The following PCDH7 variants were observed in gnomAD, a reference collection of about 807,000 sequenced individuals.
PCDH7 encodes the protein protocadherin-7.
In PCDH7, 17 loss-of-function variants were observed where a neutral mutation model predicts 58.9. The observed-to-expected ratio is 0.29, with a 90% CI of 0.20 to 0.43. The LOEUF is 0.43. Ranked by LOEUF, PCDH7 falls within the 20% of genes least tolerant of loss-of-function variation. The pLI is 1.00. For missense variants in PCDH7, 1,274 were observed against 1,441.0 expected, an observed-to-expected ratio of 0.88 and a Z score of 1.88; for synonymous variants, 664 against 616.4, an observed-to-expected ratio of 1.08 and a Z score of -1.14.
At chr4:30,773,959 A>G (rs796314127) in intron 1 of PCDH7, among the ~76,000 whole-genome samples, 85 of 152,280 alleles carry the variant, frequency 5.6e-4, no homozygotes, top group African/African-American at 2.0e-3. Context: ...CCCATATTCC[A>G]TTTAGTGGGA....
intron 3 of PCDH7, among the ~76,000 whole-genome samples, chr4:31,118,443 C>A (rs1447429349): frequency 6.6e-6 from 1 of 152,044 alleles, no homozygotes; most frequent in African/African-American, 2.4e-5. Flanking sequence ...CTAGCCAAGT[C>A]ATTTGGCGGT....
intron 1 of PCDH7, among the ~76,000 whole-genome samples, chr4:30,769,236 C>T (rs983906878): frequency 6.6e-6 from 1 of 152,196 alleles, no homozygotes; most frequent in African/African-American, 2.4e-5. Context: ...TTCCTGCACG[C>T]AGCTAGTGTA....
downstream of PCDH7, chr4:31,145,854 T>C (rs1020569333): frequency 2.0e-5 from 3 of 152,118 alleles, no homozygotes; most frequent in African/African-American, 7.2e-5. Flanking sequence ...TTATTCTTTA[T>C]TTCTTTTTTG....
At chr4:30,855,692 T>C (rs1315558107) in intron 1 of PCDH7, among the ~76,000 whole-genome samples, 3 of 152,184 alleles carry the variant, frequency 2.0e-5, no homozygotes, top group Non-Finnish European at 4.4e-5. Context: ...GTAAACTTAG[T>C]AATACATAGT....
chr4:31,080,562 C>T (rs976617205), intron 3 of PCDH7, among the ~76,000 whole-genome samples: 8 of 152,124 alleles, frequency 5.3e-5, no homozygotes, highest in Non-Finnish European at 1.0e-4. Context: ...TAAATGATTA[C>T]CTATTGATAA....
chr4:30,725,459 G>T (rs1714481428), intron 1 of PCDH7: 1 of 206,158 alleles, frequency 4.9e-6, no homozygotes, highest in East Asian at 1.9e-4. Flanking sequence ...TAGTTTCTCA[G>T]TGAAATGTGG....
At chr4:31,131,150 T>G (rs905098515) in intron 3 of PCDH7, among the ~76,000 whole-genome samples, 1 of 152,100 alleles carries the variant, frequency 6.6e-6, no homozygotes, top group Non-Finnish European at 1.5e-5. Context: ...AGGCATAATG[T>G]TGGCATGAGG....
chr4:30,750,158 A>G (rs1053088910), intron 1 of PCDH7, among the ~76,000 whole-genome samples: 3 of 152,194 alleles, frequency 2.0e-5, no homozygotes, highest in Non-Finnish European at 4.4e-5. Context: ...AATGAGTAGT[A>G]CCCACTCTCT....
intron 1 of PCDH7, among the ~76,000 whole-genome samples, chr4:30,789,694 T>C (rs950975693): frequency 2.0e-5 from 3 of 152,164 alleles, no homozygotes; most frequent in African/African-American, 7.2e-5. Flanking sequence ...CAGAAAGCCT[T>C]ATTTAGAGCA....
intron 1 of PCDH7, among the ~76,000 whole-genome samples, chr4:30,743,736 A>T (rs1310367308): frequency 6.6e-6 from 1 of 152,006 alleles, no homozygotes; most frequent in Non-Finnish European, 1.5e-5. Flanking sequence ...ATACACACAC[A>T]CACACACACA....
intron 3 of PCDH7, among the ~76,000 whole-genome samples, chr4:31,097,075 C>A (rs965650622): frequency 6.6e-6 from 1 of 151,922 alleles, no homozygotes; most frequent in African/African-American, 2.4e-5. Flanking sequence ...AGCCAATTTG[C>A]GCCTAGTTGT....
chr4:31,061,754 TG>T (rs909343977), intron 3 of PCDH7, among the ~76,000 whole-genome samples: 39 of 151,808 alleles, frequency 2.6e-4, no homozygotes, highest in African/African-American at 9.4e-4. Context: ...ATTCAAAGTA[TG>T]GAGATTGAAA....
intron 2 of PCDH7, among the ~76,000 whole-genome samples, chr4:30,928,056 G>A (rs1332393663): frequency 6.6e-6 from 1 of 152,080 alleles, no homozygotes; most frequent in African/African-American, 2.4e-5. Context: ...GCTCACTACA[G>A]CCTCGACCTC....
chr4:31,025,640 AAACC>A (rs1283049425), intron 3 of PCDH7, among the ~76,000 whole-genome samples: 1 of 152,222 alleles, frequency 6.6e-6, no homozygotes, highest in Non-Finnish European at 1.5e-5. Context: ...AATTAATCTA[AAACC>A]TATCTTTTCA....
intron 3 of PCDH7, among the ~76,000 whole-genome samples, chr4:31,061,922 A>T (rs567148598): frequency 1.9e-4 from 29 of 151,788 alleles, no homozygotes; most frequent in African/African-American, 6.0e-4. Context: ...TATTCTGAGT[A>T]ACATAATTTT....
intron 1 of PCDH7, among the ~76,000 whole-genome samples, chr4:30,819,297 A>G (rs1728064971): frequency 6.6e-6 from 1 of 152,154 alleles, no homozygotes; most frequent in Non-Finnish European, 1.5e-5. Context: ...TGCTGCATTG[A>G]AATTAGAGAT....
chr4:31,068,580 C>T (rs1019205532), intron 3 of PCDH7, among the ~76,000 whole-genome samples: 5 of 151,924 alleles, frequency 3.3e-5, no homozygotes, highest in African/African-American at 1.2e-4. Flanking sequence ...CCAAATTTTT[C>T]AGTAGGATCC....
intron 1 of PCDH7, among the ~76,000 whole-genome samples, chr4:30,753,392 T>C (rs1257599090): frequency 1.3e-5 from 2 of 152,348 alleles, no homozygotes; most frequent in East Asian, 1.9e-4. Context: ...AGTGACAATA[T>C]GGTTAAATTA....
At chr4:31,062,282 T>C (rs1211714592) in intron 3 of PCDH7, among the ~76,000 whole-genome samples, 1 of 151,698 alleles carries the variant, frequency 6.6e-6, no homozygotes, top group East Asian at 1.9e-4. Context: ...GGATATTGCA[T>C]TCTATCTCTA....
Sources: allele counts gnomAD v4.1 joint callset (sites outside exome capture counted in the v4.1 genomes callset), GRCh38; gene constraint gnomAD v4.1.1; transcripts MANE v1.5; gene names NCBI Gene and HGNC (gene_info 2026-07-23, HGNC 2026-07-21).